COL21A1: variants seen among roughly 807,000 people sequenced by gnomAD.
The protein encoded by COL21A1 is collagen type XXI alpha 1 chain, also known as collagen alpha-1(XXI) chain.
In COL21A1, 149 loss-of-function variants were observed where a neutral mutation model predicts 137.9. The observed-to-expected ratio is 1.08, with a 90% CI of 0.95 to 1.24. The LOEUF (loss-of-function observed/expected upper bound fraction) is 1.24, where lower values mean the gene tolerates loss of function less well. Ranked by LOEUF, COL21A1 falls within the 50% of genes most tolerant of loss-of-function variation. The probability of loss-of-function intolerance (pLI) is 0.00; values close to 1 mark genes in which losing one functional copy is unlikely to be tolerated. For synonymous variants in COL21A1, 456 were observed against 391.5 expected (o/e 1.16, Z -1.95); for missense variants, 1,167 against 1,158.4 (o/e 1.01, Z -0.11).
intron 1 of COL21A1, among the ~76,000 whole-genome samples, chr6:56,255,642 C>T (rs970159386): frequency 1.3e-4 from 20 of 152,318 alleles, no homozygotes; most frequent in African/African-American, 4.6e-4. Context: ...CCTTGGCTCT[C>T]TGTGTGTCAT....
intron 17 of COL21A1, among the ~76,000 whole-genome samples, chr6:56,086,268 A>C (rs2114178066): frequency 6.6e-6 from 1 of 152,016 alleles, no homozygotes. Context: ...CACGATTTTT[A>C]TATACAGTTG....
chr6:56,337,958 TTTC>T (rs869104118), intron 1 of COL21A1, among the ~76,000 whole-genome samples: 327 of 81,274 alleles, frequency 4.0e-3, no homozygotes, highest in Middle Eastern at 0.023. Context: ...TTTCTTTTCT[TTTC>T]TTTTTTTTTT....
intron 1 of COL21A1, among the ~76,000 whole-genome samples, chr6:56,282,817 T>C (rs1162555933): frequency 6.6e-6 from 1 of 152,230 alleles, no homozygotes; most frequent in Non-Finnish European, 1.5e-5. Flanking sequence ...TCATTTCTTA[T>C]CCAGTATGTA....
chr6:56,132,769 G>A (rs12209120), intron 12 of COL21A1, among the ~76,000 whole-genome samples: 22,941 of 151,986 alleles, frequency 0.15, 1,772 homozygotes, highest in Middle Eastern at 0.22. Context: ...TCATAGGGGC[G>A]GGTCTTTCAC....
intron 9 of COL21A1, among the ~76,000 whole-genome samples, chr6:56,161,475 G>T (rs531689659): frequency 6.6e-6 from 1 of 152,086 alleles, no homozygotes; most frequent in Non-Finnish European, 1.5e-5. Flanking sequence ...TAGGTTAAAT[G>T]GGGGGAGGGG....
At chr6:56,085,927 TAC>T (rs1454890192) in intron 17 of COL21A1, among the ~76,000 whole-genome samples, 1 of 148,474 alleles carries the variant, frequency 6.7e-6, no homozygotes, top group Non-Finnish European at 1.5e-5. Context: ...ATATTCATAA[TAC>T]AGATAATTTT....
intron 1 of COL21A1, among the ~76,000 whole-genome samples, chr6:56,255,314 G>GGGT (rs1205296214): frequency 1.3e-5 from 2 of 148,810 alleles, no homozygotes; most frequent in African/African-American, 5.0e-5. Flanking sequence ...ACCTTCTAGA[G>GGGT]TGATCACTGT....
rs749674899 is a variant in COL21A1, at chr6:56,171,028, T to A, written c.741A>T (p.Ile247=). Residue 247 remains isoleucine (I), a synonymous_variant, in exon 4 of 30, where the codon ATA becomes ATT. Coordinates refer to ENST00000244728, the MANE Select transcript of COL21A1 (RefSeq NM_030820.4). ...CTTTTATCTTTTTTGGTGAAAGCTGTATTCTTTTCTTAACCTTTTTATTTA... is the reference window on the plus strand; with the variant it reads ...CTTTTATCTTTTTTGGTGAAAGCTGAATTCTTTTCTTAACCTTTTTATTTA... ...LDVNKKVKKR[I]QLSPKKIKGY... The A allele has an allele frequency of 6.2e-7, 1 of 1,607,796 alleles. No homozygotes were observed. Among genetic ancestry groups the A allele is most frequent in the African/African-American group, 1.3e-5 (1 of 74,684 alleles).
At chr6:56,064,421 T>C (rs1401095907) in intron 24 of COL21A1, among the ~76,000 whole-genome samples, 157 bp downstream of exon 24, 2 of 152,062 alleles carry the variant, frequency 1.3e-5, no homozygotes, top group Non-Finnish European at 2.9e-5. Context: ...AAACTCATTA[T>C]CACCACACTA....
At chr6:56,361,091 C>CTCAA (rs143592955) in intron 1 of COL21A1, among the ~76,000 whole-genome samples, 19,040 of 151,880 alleles carry the variant, frequency 0.13, 1,552 homozygotes, top group African/African-American at 0.23. Flanking sequence ...AAGACTCCGT[C>CTCAA]TCAATCAATC....
chr6:56,353,451 T>G (rs766029870), intron 1 of COL21A1, among the ~76,000 whole-genome samples: 67 of 152,180 alleles, frequency 4.4e-4, no homozygotes, highest in Admixed American at 2.0e-4. Flanking sequence ...CAGAAGCTTC[T>G]GTGAGGTCAG....
At chr6:56,238,922 T>G (rs1782084332) in intron 1 of COL21A1, among the ~76,000 whole-genome samples, 1 of 152,200 alleles carries the variant, frequency 6.6e-6, no homozygotes, top group Admixed American at 6.5e-5. Context: ...TGCCAAAGGG[T>G]TTATGTGCAT....
intron 1 of COL21A1, among the ~76,000 whole-genome samples, chr6:56,307,309 C>T (rs1764487298): frequency 6.6e-6 from 1 of 152,214 alleles, no homozygotes; most frequent in South Asian, 2.1e-4. Context: ...TGGCAATGTC[C>T]TGCCCCCAGA....
chr6:56,106,845 G>A (rs1387717446), intron 16 of COL21A1, among the ~76,000 whole-genome samples: 1 of 151,732 alleles, frequency 6.6e-6, no homozygotes. Flanking sequence ...GGAGTGCAGT[G>A]GCGCCATCTC....
chr6:56,082,276 C>A (rs1409446419), intron 17 of COL21A1, among the ~76,000 whole-genome samples: 1 of 151,846 alleles, frequency 6.6e-6, no homozygotes. Flanking sequence ...AAACCACCTA[C>A]CCCTTTATAT....
chr6:56,076,463 G>C (rs1010278572), intron 18 of COL21A1, among the ~76,000 whole-genome samples: 1 of 148,004 alleles, frequency 6.8e-6, no homozygotes, highest in Non-Finnish European at 1.5e-5. Flanking sequence ...TTAGATATGA[G>C]ATTTTTTTAA....
intron 12 of COL21A1, among the ~76,000 whole-genome samples, chr6:56,130,248 A>C: frequency 6.9e-6 from 1 of 144,196 alleles, no homozygotes; most frequent in East Asian, 2.0e-4. Context: ...TAAAATTTGA[A>C]ATTAAAATTT....
At chr6:56,388,654 C>T (rs181846761) in intron 1 of COL21A1, among the ~76,000 whole-genome samples, 5 of 152,298 alleles carry the variant, frequency 3.3e-5, no homozygotes, top group Admixed American at 2.6e-4. Flanking sequence ...TGAATATGTC[C>T]TTCTCAAAAA....
rs1188986922 is a variant in COL21A1 at position 56,075,503 on chromosome 6, T to C, written c.1887A>G (p.Gly629=). 2 of 1,536,704 alleles carry C rather than the reference T, an allele frequency of 1.3e-6. No individual in the cohort carries two copies. The highest frequency in any genetic ancestry group is 2.5e-5 in the South Asian group (2 of 80,710). ...CAGGCATCCCTGGGGCTCCTTTTTT[T>C]CCTTGCTGTCCTGGAGGCCCAATTT... The part of the protein sequence containing the change: ...KGEIGPPGQQ[G]KKGAPGMPGL... Residue 629 remains glycine, a synonymous_variant, in exon 19 of 30, where the codon GGA becomes GGG. Transcript: ENST00000244728.
Sources: gnomAD v4.1 joint callset for allele counts (sites outside exome capture counted in the v4.1 genomes callset) on GRCh38, gnomAD v4.1.1 for gene constraint, MANE v1.5 for transcripts, NCBI Gene and HGNC (gene_info 2026-07-23, HGNC 2026-07-21) for gene names.